OSBPL6: variants seen among roughly 807,000 people sequenced by gnomAD.
OSBPL6 encodes oxysterol binding protein like 6.
OSBPL6 carries 49 observed loss-of-function variants against 125.8 expected under a neutral mutation model. The observed-to-expected ratio is 0.39, with a 90% CI of 0.31 to 0.49. The LOEUF (loss-of-function observed/expected upper bound fraction) is 0.49. Ranked by LOEUF, OSBPL6 falls within the 20% of genes least tolerant of loss-of-function variation. OSBPL6 has a pLI of 0.88. For synonymous variants in OSBPL6, 394 were observed against 391.8 expected, an observed-to-expected ratio of 1.01 and a Z score of -0.07; for missense variants, 986 against 1,135.4, an observed-to-expected ratio of 0.87 and a Z score of 1.89.
chr2:178,284,654 T>C (rs1039579609), intron 1 of OSBPL6, among the ~76,000 whole-genome samples: 4 of 152,192 alleles, frequency 2.6e-5, no homozygotes, highest in Admixed American at 2.0e-4. Context: ...TTAGGAAATA[T>C]TTGCTATATC....
At chr2:178,394,881 AG>A (rs1695711651) in intron 24 of OSBPL6, among the ~76,000 whole-genome samples, 1 of 152,208 alleles carries the variant, frequency 6.6e-6, no homozygotes, top group South Asian at 2.1e-4. Context: ...GATTATTTGC[AG>A]GATTATATAT....
intron 9 of OSBPL6, among the ~76,000 whole-genome samples, chr2:178,336,912 G>A (rs893310836): frequency 3.3e-5 from 5 of 152,044 alleles, no homozygotes; most frequent in Non-Finnish European, 5.9e-5. Context: ...CTGACAACTC[G>A]GCAATAAATG....
At chr2:178,387,421 G>A (rs906847540) in intron 20 of OSBPL6, among the ~76,000 whole-genome samples, 1 of 152,152 alleles carries the variant, frequency 6.6e-6, no homozygotes, top group Non-Finnish European at 1.5e-5. Context: ...TATATAAAAG[G>A]TTCTCCTGTT....
intron 1 of OSBPL6, among the ~76,000 whole-genome samples, chr2:178,208,294 A>G (rs1454065486): frequency 2.0e-5 from 3 of 151,858 alleles, no homozygotes; most frequent in East Asian, 1.9e-4. Context: ...TAAAAAAAAA[A>G]AAAAAGAAAA....
intron 1 of OSBPL6, among the ~76,000 whole-genome samples, chr2:178,276,766 T>C (rs1356569389): frequency 6.6e-6 from 1 of 150,940 alleles, no homozygotes; most frequent in Non-Finnish European, 1.5e-5. Context: ...TTCCCTTTTA[T>C]TACTCCACTA....
chr2:178,259,338 C>T (rs1046171868), intron 1 of OSBPL6, among the ~76,000 whole-genome samples: 2 of 152,088 alleles, frequency 1.3e-5, no homozygotes, highest in Non-Finnish European at 2.9e-5. Flanking sequence ...TAAGGTCAAG[C>T]GCTGATAATT....
At chr2:178,354,527 A>G (rs1001107989) in intron 12 of OSBPL6, among the ~76,000 whole-genome samples, 5 of 152,252 alleles carry the variant, frequency 3.3e-5, no homozygotes, top group Admixed American at 6.5e-5. Context: ...CAATTCAACA[A>G]AAAGAGCTAA....
At chr2:178,361,640 G>T in intron 12 of OSBPL6, 42 bp from the exon 13 acceptor site, 2 of 1,607,754 alleles carry the variant, frequency 1.2e-6, no homozygotes, top group Non-Finnish European at 8.5e-7. Context: ...TATTCTTTCT[G>T]CACATATCTG....
At chr2:178,227,225 T>A (rs557080409) in intron 1 of OSBPL6, among the ~76,000 whole-genome samples, 1 of 152,332 alleles carries the variant, frequency 6.6e-6, no homozygotes, top group East Asian at 1.9e-4. Context: ...TTATTTGTAA[T>A]TTGGAGGGAA....
intron 1 of OSBPL6, among the ~76,000 whole-genome samples, chr2:178,195,279 C>A (rs1178647292): frequency 6.6e-6 from 1 of 152,204 alleles, no homozygotes; most frequent in Admixed American, 6.5e-5. Context: ...CCCCTGCAGC[C>A]CTCCCGGCAG....
intron 19 of OSBPL6, among the ~76,000 whole-genome samples, chr2:178,386,124 G>A (rs1454151539): frequency 6.6e-6 from 1 of 152,158 alleles, no homozygotes; most frequent in Non-Finnish European, 1.5e-5. Flanking sequence ...TGTTTGGAAG[G>A]GTGCTTCATT....
intron 1 of OSBPL6, among the ~76,000 whole-genome samples, chr2:178,280,638 A>G (rs1399947871): frequency 3.9e-5 from 6 of 152,250 alleles, no homozygotes; most frequent in Admixed American, 6.5e-5. Context: ...AGCAAAATAG[A>G]CAATAATAGA....
rs371405139 is a variant in OSBPL6 at position 178,320,700 on chromosome 2, C to T, written c.103-3477C>T. ...TTATGAAAAGAACTGATTTTTATAA[C>T]TGAAGATGTCATGAAATTAAATTTG... On this transcript the variant is annotated intron_variant, in intron 3 of 24. Transcript: ENST00000190611. Among the ~76,000 whole-genome samples, 29 of 152,312 alleles carry T rather than the reference C, an allele frequency of 1.9e-4. 1 individual carries two copies. Among genetic ancestry groups the T allele is most frequent in the African/African-American group, 7.0e-4 (29 of 41,562 alleles).
chr2:178,209,424 CTTCT>C (rs201081404), intron 1 of OSBPL6, among the ~76,000 whole-genome samples: 84 of 131,236 alleles, frequency 6.4e-4, no homozygotes, highest in Middle Eastern at 7.9e-3. Context: ...TTTGAAATTT[CTTCT>C]TTCTTTCTTT....
intron 1 of OSBPL6, among the ~76,000 whole-genome samples, chr2:178,213,494 T>C (rs2089959571): frequency 6.6e-6 from 1 of 151,964 alleles, no homozygotes; most frequent in Non-Finnish European, 1.5e-5. Context: ...TGTGTCTCCA[T>C]CCTCATCACC....
At chr2:178,324,136 T>G in intron 3 of OSBPL6, 41 bp from the exon 4 acceptor site, 91 of 1,283,756 alleles carry the variant, frequency 7.1e-5, no homozygotes, top group Non-Finnish European at 9.4e-5. Flanking sequence ...ACATGAAAAG[T>G]GAGTTGTCTA....
rs1684274509 is a variant in OSBPL6, at chr2:178,282,293, G to A, written c.-350-2634G>A. 2.0e-5 allele frequency among the ~76,000 whole-genome samples: 3 copies of A among 152,006 alleles called. No homozygotes were observed. In the South Asian group the frequency reaches 6.2e-4, roughly 31 times the overall value. ...ACACACAGCATATGTGATGCGATGG[G>A]AGAGGGCGGAGGAATTCCTTAGATA... On this transcript the variant is annotated intron_variant, in intron 1 of 24. Transcript: ENST00000190611.
In OSBPL6 at chr2:178,349,276, A is replaced by G; in HGVS notation, c.1040A>G (p.Asn347Ser). Residue 347 changes from asparagine to serine, a missense_variant, in exon 12 of 25, where the codon AAC becomes AGC. By Grantham distance (46) the Asn-to-Ser change is conservative. Coordinates refer to ENST00000190611, the MANE Select transcript of OSBPL6 (RefSeq NM_032523.4). The stretch of plus-strand genomic sequence containing the variant: ...GTTCGCTTGCATTCCTCCAACCCCA[A>G]CCTTTGTGCAGATATTGAATTTCAG... ...SPVRLHSSNP[N>S]LCADIEFQTP... 6.2e-7 allele frequency: 1 copy of G among 1,613,892 alleles called. No homozygotes were observed. Among genetic ancestry groups the G allele is most frequent in the South Asian group, 1.1e-5 (1 of 91,070 alleles).
intron 1 of OSBPL6, among the ~76,000 whole-genome samples, chr2:178,212,388 C>T (rs952970079): frequency 2.6e-5 from 4 of 152,136 alleles, no homozygotes; most frequent in East Asian, 1.9e-4. Context: ...TACTTCCTAT[C>T]GGTTCAGTGT....
Sources: allele counts gnomAD v4.1 joint callset (sites outside exome capture counted in the v4.1 genomes callset), GRCh38; gene constraint gnomAD v4.1.1; transcripts MANE v1.5; gene names NCBI Gene and HGNC (gene_info 2026-07-23, HGNC 2026-07-21).